The following CDC27 variants were observed in gnomAD, a reference collection of about 807,000 sequenced individuals.
The protein encoded by CDC27 is cell division cycle 27.
A neutral mutation model predicts 109.7 loss-of-function variants in CDC27; 27 were observed. The observed-to-expected ratio is 0.25, with a 90% CI of 0.18 to 0.34. CDC27 has a LOEUF of 0.34. Among genes scored for constraint, CDC27 ranks in the 10% least tolerant of loss-of-function variants. CDC27 has a pLI of 1.00. For missense variants in CDC27, 579 were observed against 960.2 expected, an observed-to-expected ratio of 0.60 and a Z score of 5.25; for synonymous variants, 266 against 333.9, an observed-to-expected ratio of 0.80 and a Z score of 2.22.
At chr17:47,171,879 A>G (rs2063821587) in intron 3 of CDC27, 38 bp downstream of exon 3, 1 of 1,472,832 alleles carries the variant, frequency 6.8e-7, no homozygotes, top group East Asian at 2.3e-5. Flanking sequence ...CAACAGTGTA[A>G]GTAAAACAAA....
At position 47,132,402 on chromosome 17, in the gene CDC27, T is replaced by A. The variant is rs766066060; in HGVS notation, c.1914-28A>T. The A allele has an allele frequency of 4.5e-6, 5 of 1,116,042 alleles. No individual in the cohort carries two copies. The South Asian group carries it at 7.7e-5, about 17-fold the overall frequency. 69.1% of individuals were successfully genotyped at this position (1,116,042 alleles called of 1,614,324 possible). On this transcript the variant is annotated intron_variant, in intron 14 of 18. Coordinates refer to ENST00000066544, the MANE Select transcript of CDC27 (RefSeq NM_001256.6). ...GAAAGTATAAAACAAAGTATAATTT[T>A]AAAAATATAAAGTTTAGGTTGCTAA...
chr17:47,166,254 G>A (rs954931773), intron 4 of CDC27, among the ~76,000 whole-genome samples: 14 of 152,076 alleles, frequency 9.2e-5, no homozygotes, highest in African/African-American at 3.1e-4. Flanking sequence ...TGTAGCATTA[G>A]GGAAGACTTT....
chr17:47,147,197 G>A (rs1481485219), intron 9 of CDC27, among the ~76,000 whole-genome samples: 1 of 151,076 alleles, frequency 6.6e-6, no homozygotes, highest in Non-Finnish European at 1.5e-5. Flanking sequence ...TCAGGAGATC[G>A]AGACCATCCT....
chr17:47,137,501 TCACAGATTC>T, intron 13 of CDC27, 141 bp from the exon 14 acceptor site: 1 of 505,940 alleles, frequency 2.0e-6, no homozygotes, highest in South Asian at 3.5e-5. Flanking sequence ...TTCTAATTAT[TCACAGATTC>T]CATATTTGTG....
At position 47,161,375 on chromosome 17, in the gene CDC27, A is replaced by G. The variant is rs116570203; in HGVS notation, c.378-3072T>C. 9.5e-3 allele frequency among the ~76,000 whole-genome samples: 1,444 copies of G among 152,274 alleles called. 12 individuals carry two copies. Among genetic ancestry groups the G allele is most frequent in the African/African-American group, 0.033 (1,380 of 41,554 alleles). ...TAGAAATAGGAAATGAAGAAAGGGC[A>G]TACAAAAAAACATTTGCTGAAAGTA... On this transcript the variant is annotated intron_variant, in intron 4 of 18. Coordinates refer to ENST00000066544, the MANE Select transcript of CDC27 (RefSeq NM_001256.6).
rs954527722 is a variant in CDC27, at chr17:47,151,754, A to G, written c.1070+52T>C. On this transcript the variant is annotated intron_variant, in intron 9 of 18. Coordinates refer to ENST00000066544, the MANE Select transcript of CDC27 (RefSeq NM_001256.6). ...CTATCTGCCTAAATTAAAGAAATGT[A>G]AAGAATCAAGTTTTATGCCAAGAAA... 1.0e-4 allele frequency: 141 copies of G among 1,393,488 alleles called. 2 individuals are homozygous for G. The South Asian group carries it at 1.8e-3, about 18-fold the overall frequency. The allele number at this position is 1,393,488 out of a possible 1,614,324, so 86.3% of individuals were successfully genotyped here.
chr17:47,174,048 C>T (rs1386641927), intron 2 of CDC27, among the ~76,000 whole-genome samples: 4 of 152,198 alleles, frequency 2.6e-5, no homozygotes, highest in East Asian at 1.9e-4. Flanking sequence ...GAGCCGAGAT[C>T]GTGCCACCGC....
intron 9 of CDC27, among the ~76,000 whole-genome samples, chr17:47,147,378 G>A (rs537098628): frequency 3.0e-4 from 45 of 150,330 alleles, no homozygotes; most frequent in African/African-American, 1.0e-3. Context: ...CAGCCTGGGC[G>A]ACAGAGCGAA....
intron 2 of CDC27, among the ~76,000 whole-genome samples, chr17:47,176,465 T>G (rs1011861187): frequency 1.3e-5 from 2 of 152,236 alleles, no homozygotes; most frequent in Admixed American, 6.5e-5. Flanking sequence ...TGCTCTTAAG[T>G]ATTTTAAAAC....
rs576900230 is a variant in CDC27 at position 47,149,574 on chromosome 17, C to T, written c.1070+2232G>A. Among the ~76,000 whole-genome samples the T allele has an allele frequency of 4.3e-4, 64 of 149,034 alleles. 1 individual carries two copies. The South Asian group carries it at 0.013, about 31-fold the overall frequency. ...CCTTCAAGGTGGAGGAAAATGATAT[C>T]AGATCGCAATCTGGATCTATAGAAG... On this transcript the variant is annotated intron_variant, in intron 9 of 18. Coordinates refer to ENST00000066544, the MANE Select transcript of CDC27 (RefSeq NM_001256.6).
At chr17:47,154,059 A>G (rs1229849935) in intron 8 of CDC27, among the ~76,000 whole-genome samples, 1 of 150,852 alleles carries the variant, frequency 6.6e-6, no homozygotes, top group Non-Finnish European at 1.5e-5. Context: ...ACTGCACTCC[A>G]GCCTGGGCAG....
chr17:47,142,771 C>G (rs915048115), intron 10 of CDC27, among the ~76,000 whole-genome samples: 2 of 152,170 alleles, frequency 1.3e-5, no homozygotes, highest in African/African-American at 4.8e-5. Flanking sequence ...CTCTGCCTCC[C>G]GGGTTCAAGC....
intron 16 of CDC27, 117 bp from the exon 17 acceptor site, chr17:47,124,077 A>G (rs907989104): frequency 8.0e-6 from 5 of 621,266 alleles, no homozygotes; most frequent in Middle Eastern, 3.6e-4. Context: ...ATCTTAATCA[A>G]TATACTTCCT....
At chr17:47,135,817 A>G (rs1568380137) in intron 14 of CDC27, among the ~76,000 whole-genome samples, 1 of 152,010 alleles carries the variant, frequency 6.6e-6, no homozygotes, top group Non-Finnish European at 1.5e-5. Context: ...CAGACTTGGG[A>G]AAAAATCAAA....
chr17:47,165,433 G>A (rs2063615102), intron 4 of CDC27, among the ~76,000 whole-genome samples: 3 of 152,148 alleles, frequency 2.0e-5, no homozygotes, highest in Admixed American at 6.5e-5. Flanking sequence ...TAACGATTTA[G>A]AACATCTTTT....
chr17:47,132,439 T>G, intron 14 of CDC27, 65 bp from the exon 15 acceptor site: 1 of 710,844 alleles, frequency 1.4e-6, no homozygotes, highest in African/African-American at 1.8e-5. Flanking sequence ...TTAGTTCAAT[T>G]AGTAAAAGAA....
intron 14 of CDC27, among the ~76,000 whole-genome samples, chr17:47,132,885 C>T (rs893761633): frequency 7.0e-6 from 1 of 142,946 alleles, no homozygotes; most frequent in East Asian, 2.0e-4. Context: ...TCAATCCTCC[C>T]ACCTCAGCAT....
intron 8 of CDC27, among the ~76,000 whole-genome samples, chr17:47,153,056 C>T (rs545910047): frequency 2.0e-5 from 3 of 152,196 alleles, no homozygotes; most frequent in Admixed American, 2.0e-4. Context: ...CATAAGCCTT[C>T]CTCCGCCTTT....
At chr17:47,173,685 A>T (rs942006140) in intron 2 of CDC27, among the ~76,000 whole-genome samples, 1 of 150,630 alleles carries the variant, frequency 6.6e-6, no homozygotes, top group African/African-American at 2.4e-5. Flanking sequence ...TTTTGTGTGT[A>T]CATGTGCGTG....
Sources: allele counts gnomAD v4.1 joint callset (sites outside exome capture counted in the v4.1 genomes callset), GRCh38; gene constraint gnomAD v4.1.1; transcripts MANE v1.5; gene names NCBI Gene and HGNC (gene_info 2026-07-23, HGNC 2026-07-21).